Variants in SORCS1 observed in about 807,000 individuals in gnomAD.
SORCS1 encodes the protein VPS10 domain-containing receptor SorCS1.
In SORCS1, 60 loss-of-function variants were observed where a neutral mutation model predicts 146.1. The ratio of observed to expected loss-of-function variants is 0.41; its 90% CI spans 0.33 to 0.51. The LOEUF (loss-of-function observed/expected upper bound fraction) is 0.51, where lower values mean the gene tolerates loss of function less well. Among genes scored for constraint, SORCS1 ranks in the 20% least tolerant of loss-of-function variants. SORCS1 has a pLI of 0.21. For synonymous variants in SORCS1, 637 were observed against 584.0 expected (o/e 1.09, Z -1.31); for missense variants, 1,352 against 1,487.6 (o/e 0.91, Z 1.50).
intron 1 of SORCS1, among the ~76,000 whole-genome samples, chr10:107,077,776 T>C (rs778293182): frequency 6.6e-6 from 1 of 152,046 alleles, no homozygotes; most frequent in Non-Finnish European, 1.5e-5. Context: ...TATGCTTTGC[T>C]GCCTCCAGAA....
At position 106,868,045 on chromosome 10, in the gene SORCS1, G is replaced by A. The variant is rs376784372; in HGVS notation, c.627-38372C>T. Among the ~76,000 whole-genome samples, 36 of 152,278 alleles carry A rather than the reference G, an allele frequency of 2.4e-4. No individual in the cohort carries two copies. In the South Asian group the frequency reaches 7.3e-3, roughly 31 times the overall value. On this transcript the variant is annotated intron_variant, in intron 2 of 25. Coordinates refer to ENST00000263054, the MANE Select transcript of SORCS1 (RefSeq NM_052918.5). ...TAGGAAACAGAAAAAAGCAGATATTGCTATCCTAATTTCAGACAAAATAGA... is the reference window on the plus strand; with the variant it reads ...TAGGAAACAGAAAAAAGCAGATATTACTATCCTAATTTCAGACAAAATAGA...
At chr10:106,583,428 G>C (rs1845038782) in intron 24 of SORCS1, among the ~76,000 whole-genome samples, 1 of 152,128 alleles carries the variant, frequency 6.6e-6, no homozygotes, top group African/African-American at 2.4e-5. Context: ...CAGACCCTTT[G>C]CAGAACTAGG....
At chr10:106,729,226 A>G (rs1856421430) in intron 6 of SORCS1, among the ~76,000 whole-genome samples, 1 of 152,224 alleles carries the variant, frequency 6.6e-6, no homozygotes, top group African/African-American at 2.4e-5. Flanking sequence ...TAGCTTAGCT[A>G]TATTATTACT....
chr10:107,083,541 T>C (rs7085122), intron 1 of SORCS1, among the ~76,000 whole-genome samples: 35,200 of 152,140 alleles, frequency 0.23, 4,420 homozygotes, highest in Middle Eastern at 0.42. Flanking sequence ...TGGGTCATAC[T>C]TTTTTTCTTA....
the SORCS1 span, among the ~76,000 whole-genome samples, chr10:107,179,802 T>C: frequency 1.3e-5 from 2 of 152,120 alleles, no homozygotes; most frequent in African/African-American, 4.8e-5. Context: ...TCTTTACATA[T>C]TTTAGATACT....
intron 1 of SORCS1, among the ~76,000 whole-genome samples, chr10:107,087,187 C>T (rs1269149804): frequency 1.1e-4 from 16 of 152,082 alleles, no homozygotes; most frequent in Non-Finnish European, 4.4e-5. Flanking sequence ...ATAATTGTCC[C>T]CTATAAAACA....
intron 1 of SORCS1, among the ~76,000 whole-genome samples, chr10:107,013,431 C>G (rs983247386): frequency 6.6e-6 from 1 of 151,978 alleles, no homozygotes; most frequent in African/African-American, 2.4e-5. Context: ...CTGGGTTAAC[C>G]TGGAGTCACA....
intron 1 of SORCS1, among the ~76,000 whole-genome samples, chr10:106,990,237 A>G (rs1334065190): frequency 1.3e-5 from 2 of 152,142 alleles, no homozygotes; most frequent in Non-Finnish European, 2.9e-5. Flanking sequence ...TCTAAAAACA[A>G]GGCCTTCTAA....
At chr10:106,802,836 T>C (rs1589917518) in intron 3 of SORCS1, among the ~76,000 whole-genome samples, 1 of 152,062 alleles carries the variant, frequency 6.6e-6, no homozygotes, top group Non-Finnish European at 1.5e-5. Flanking sequence ...GGTTTCACCA[T>C]GTTGGCCAGG....
chr10:107,124,792 G>A (rs920891708), intron 1 of SORCS1, among the ~76,000 whole-genome samples: 2 of 152,008 alleles, frequency 1.3e-5, no homozygotes, highest in Non-Finnish European at 2.9e-5. Context: ...TGTATGAAAC[G>A]TGTAATTTTC....
At chr10:106,633,571 A>G (rs1848558650) in intron 18 of SORCS1, among the ~76,000 whole-genome samples, 1 of 152,144 alleles carries the variant, frequency 6.6e-6, no homozygotes, top group Non-Finnish European at 1.5e-5. Context: ...TGATATTTTT[A>G]ATTCAAAATG....
intron 1 of SORCS1, among the ~76,000 whole-genome samples, chr10:107,022,490 A>G (rs1958193982): frequency 6.6e-6 from 1 of 152,230 alleles, no homozygotes; most frequent in South Asian, 2.1e-4. Flanking sequence ...TATGCTTGGC[A>G]TAAGAGATCC....
At chr10:107,000,347 C>A (rs1820972379) in intron 1 of SORCS1, among the ~76,000 whole-genome samples, 2 of 152,070 alleles carry the variant, frequency 1.3e-5, no homozygotes, top group African/African-American at 2.4e-5. Flanking sequence ...TGCCTGTAAT[C>A]CCAGCACTTT....
chr10:106,905,490 A>T (rs1165373551), intron 2 of SORCS1, among the ~76,000 whole-genome samples: 1 of 152,244 alleles, frequency 6.6e-6, no homozygotes, highest in Admixed American at 6.5e-5. Context: ...TCCCATAATT[A>T]GAAAACTATT....
intron 2 of SORCS1, among the ~76,000 whole-genome samples, chr10:106,930,668 G>C (rs914999196): frequency 6.6e-6 from 1 of 152,100 alleles, no homozygotes; most frequent in African/African-American, 2.4e-5. Flanking sequence ...GTTTCATCTT[G>C]CTTTGTTTTG....
intron 2 of SORCS1, among the ~76,000 whole-genome samples, chr10:106,860,860 T>C (rs541734927): frequency 6.6e-6 from 1 of 152,320 alleles, no homozygotes; most frequent in African/African-American, 2.4e-5. Flanking sequence ...AGAATGAGGA[T>C]CCTTAATCCA....
At chr10:107,157,971 T>C (rs1969420529) in intron 1 of SORCS1, among the ~76,000 whole-genome samples, 1 of 152,180 alleles carries the variant, frequency 6.6e-6, no homozygotes, top group Non-Finnish European at 1.5e-5. Context: ...AATTAAGACA[T>C]ACACAAAAAC....
intron 2 of SORCS1, among the ~76,000 whole-genome samples, chr10:106,881,708 G>C (rs569798535): frequency 4.6e-4 from 70 of 152,188 alleles, no homozygotes; most frequent in Non-Finnish European, 7.6e-4. Context: ...AACAGCAAGA[G>C]CTAAGAAGAT....
intron 2 of SORCS1, among the ~76,000 whole-genome samples, chr10:106,844,851 G>A (rs1324123459): frequency 2.3e-4 from 34 of 148,134 alleles, no homozygotes; most frequent in Admixed American, 4.1e-4. Flanking sequence ...TTGTTCTTGC[G>A]ATAGTTTACT....
Sources: gnomAD v4.1 joint callset for allele counts (sites outside exome capture counted in the v4.1 genomes callset) on GRCh38, gnomAD v4.1.1 for gene constraint, MANE v1.5 for transcripts, NCBI Gene and HGNC (gene_info 2026-07-23, HGNC 2026-07-21) for gene names.